The following LRRC49 variants were observed in gnomAD, a reference collection of about 807,000 sequenced individuals.
LRRC49 encodes leucine-rich repeat-containing protein 49.
A neutral mutation model predicts 83.3 loss-of-function variants in LRRC49; 50 were observed. That is an observed-to-expected ratio of 0.60 (90% CI 0.48 to 0.76). The LOEUF is 0.76. Among genes scored for constraint, LRRC49 ranks in the 30% least tolerant of loss-of-function variants. The pLI is 0.00. For missense variants in LRRC49, 704 were observed against 809.1 expected, an observed-to-expected ratio of 0.87 and a Z score of 1.58; for synonymous variants, 286 against 283.3, an observed-to-expected ratio of 1.01 and a Z score of -0.10.
chr15:71,032,759 A>G (rs2141292101), intron 14 of LRRC49, among the ~76,000 whole-genome samples: 1 of 152,298 alleles, frequency 6.6e-6, no homozygotes, highest in South Asian at 2.1e-4. Context: ...AAAGACCAAA[A>G]CCACATGATT....
intron 7 of LRRC49, among the ~76,000 whole-genome samples, chr15:70,923,263 T>C (rs2035072695): frequency 1.3e-5 from 2 of 152,052 alleles, no homozygotes; most frequent in Admixed American, 1.3e-4. Context: ...TTATGTGTAA[T>C]TGGTACTTTA....
chr15:71,024,182 G>C (rs1010212), intron 14 of LRRC49, among the ~76,000 whole-genome samples: 1 of 152,232 alleles, frequency 6.6e-6, no homozygotes, highest in Non-Finnish European at 1.5e-5. Context: ...TCTCCTGCTG[G>C]CTCTGAGGTA....
chr15:70,941,736 A>C (rs2035825046), intron 8 of LRRC49, among the ~76,000 whole-genome samples: 1 of 152,150 alleles, frequency 6.6e-6, no homozygotes, highest in African/African-American at 2.4e-5. Flanking sequence ...TAAGTACAAA[A>C]ATACATACAG....
At chr15:70,897,019 G>A (rs2033868501) in intron 3 of LRRC49, among the ~76,000 whole-genome samples, 2 of 152,068 alleles carry the variant, frequency 1.3e-5, no homozygotes, top group South Asian at 2.1e-4. Context: ...ACTGTTTTAG[G>A]TACAGAATTA....
chr15:70,876,678 G>A (rs915070449), intron 2 of LRRC49, among the ~76,000 whole-genome samples: 1 of 152,062 alleles, frequency 6.6e-6, no homozygotes. Flanking sequence ...TCACAAATCC[G>A]TAAAGTAACC....
intron 15 of LRRC49, among the ~76,000 whole-genome samples, chr15:71,038,832 A>T (rs997905746): frequency 6.6e-6 from 1 of 152,140 alleles, no homozygotes; most frequent in African/African-American, 2.4e-5. Context: ...TTTTCATCTC[A>T]GCACTCTCTA....
chr15:71,049,709 A>G lies in LRRC49; in HGVS notation c.*97A>G, dbSNP rs1334354657. On this transcript the variant is annotated 3_prime_UTR_variant, in exon 16 of 16. Transcript: ENST00000260382. ...GTTAAAACAACAACAACACTATCCT[A>G]TAAACTAGAAAGACTAGTATAAAAG... 5.3e-6 allele frequency: 4 copies of G among 751,598 alleles called. No homozygotes were observed. The highest frequency in any genetic ancestry group is 5.2e-5 in the East Asian group (2 of 38,772). 46.6% of individuals were successfully genotyped at this position (751,598 alleles called of 1,614,324 possible). A position where few individuals can be genotyped will look rare whatever the true frequency, so the allele number is the denominator to read the frequency against.
Position 71,009,947 on chromosome 15 carries a change from G to C in LRRC49, c.1548G>C (p.Leu516=). 6.2e-7 allele frequency: 1 copy of C among 1,608,692 alleles called. No homozygotes were observed. The highest frequency in any genetic ancestry group is 8.5e-7 in the Non-Finnish European group (1 of 1,176,980). Residue 516 remains leucine, a synonymous_variant, in exon 13 of 16, where the codon CTG becomes CTC. Coordinates refer to ENST00000260382, the MANE Select transcript of LRRC49 (RefSeq NM_017691.5). ...VNFTLWKYYV[L]FRLSHFSMQK... Reference sequence around the variant, plus strand: ...TTACACTCTGGAAATACTATGTACTGTTTAGGCTAAGCCATTTCAGTATGC... The same window carrying C: ...TTACACTCTGGAAATACTATGTACTCTTTAGGCTAAGCCATTTCAGTATGC...
chr15:70,908,491 T>C (rs1225485893), intron 5 of LRRC49: 2 of 153,700 alleles, frequency 1.3e-5, no homozygotes, highest in African/African-American at 4.8e-5. Context: ...AGTCAGTGCC[T>C]GAGTAGAAAT....
At chr15:70,997,927 TTTTC>T (rs1294912832) in intron 11 of LRRC49, among the ~76,000 whole-genome samples, 22 of 152,340 alleles carry the variant, frequency 1.4e-4, no homozygotes, top group African/African-American at 5.1e-4. Flanking sequence ...ATTTAACTGA[TTTTC>T]TTAGTGTACC....
At chr15:70,909,856 A>ACACACACACACACACACACACG (rs2034477905) in intron 5 of LRRC49, among the ~76,000 whole-genome samples, 1 of 151,420 alleles carries the variant, frequency 6.6e-6, no homozygotes, top group Admixed American at 6.6e-5. Flanking sequence ...ACACACACAC[A>ACACACACACACACACACACACG]CACACACACA....
At chr15:70,856,820 C>T (rs2032666461) in intron 1 of LRRC49, among the ~76,000 whole-genome samples, 1 of 152,184 alleles carries the variant, frequency 6.6e-6, no homozygotes, top group Admixed American at 6.5e-5. Context: ...GGAACACTTG[C>T]TGATTTGCTT....
intron 15 of LRRC49, among the ~76,000 whole-genome samples, chr15:71,039,851 C>CA (rs2039643667): frequency 6.6e-6 from 1 of 152,020 alleles, no homozygotes; most frequent in African/African-American, 2.4e-5. Context: ...TTTTAAGAAA[C>CA]AGAGAATTCT....
intron 8 of LRRC49, among the ~76,000 whole-genome samples, chr15:70,941,045 C>T (rs1048600171): frequency 2.0e-5 from 3 of 152,182 alleles, no homozygotes; most frequent in African/African-American, 7.2e-5. Context: ...TTTATTCCTT[C>T]TTTGTGAGTA....
At chr15:70,958,455 C>T (rs1441813398) in intron 8 of LRRC49, among the ~76,000 whole-genome samples, 1 of 152,028 alleles carries the variant, frequency 6.6e-6, no homozygotes, top group Non-Finnish European at 1.5e-5. Flanking sequence ...AGTTAGTTCA[C>T]TTTAACAAAG....
chr15:70,906,707 T>C (rs1408527720), intron 5 of LRRC49, among the ~76,000 whole-genome samples: 1 of 152,230 alleles, frequency 6.6e-6, no homozygotes, highest in African/African-American at 2.4e-5. Flanking sequence ...CTATCTGAGC[T>C]TCTGACTTTA....
intron 7 of LRRC49, among the ~76,000 whole-genome samples, chr15:70,925,630 C>T (rs2035167752): frequency 6.6e-6 from 1 of 152,044 alleles, no homozygotes; most frequent in Non-Finnish European, 1.5e-5. Flanking sequence ...TCAAAACATA[C>T]AGAATGGGTA....
chr15:70,893,784 C>A, intron 2 of LRRC49, 144 bp downstream of exon 2: 1 of 635,246 alleles, frequency 1.6e-6, no homozygotes, highest in Non-Finnish European at 2.7e-6. Context: ...CTAGTTCTTA[C>A]TTTCTGCCTA....
chr15:70,891,804 T>A (rs1437251041), upstream of LRRC49: 5 of 1,487,932 alleles, frequency 3.4e-6, no homozygotes, highest in Non-Finnish European at 3.6e-6. Flanking sequence ...CCAGCCAGAG[T>A]CCAGGGGTCC....
Sources: gnomAD v4.1 joint callset for allele counts (sites outside exome capture counted in the v4.1 genomes callset) on GRCh38, gnomAD v4.1.1 for gene constraint, MANE v1.5 for transcripts, NCBI Gene and HGNC (gene_info 2026-07-23, HGNC 2026-07-21) for gene names.